Variants in SLIT3 observed in about 807,000 individuals in gnomAD.
SLIT3 encodes slit guidance ligand 3.
A neutral mutation model predicts 184.0 loss-of-function variants in SLIT3; 68 were observed. The ratio of observed to expected loss-of-function variants is 0.37; its 90% CI spans 0.30 to 0.45. The LOEUF is 0.45. Among genes scored for constraint, SLIT3 ranks in the 20% least tolerant of loss-of-function variants. SLIT3 has a pLI of 1.00. For synonymous variants in SLIT3, 831 were observed against 828.6 expected (o/e 1.00, Z -0.05); for missense variants, 1,707 against 2,026.0 (o/e 0.84, Z 3.02).
intron 4 of SLIT3, among the ~76,000 whole-genome samples, chr5:168,952,548 AG>A (rs1762689114): frequency 1.5e-5 from 2 of 135,044 alleles, no homozygotes; most frequent in African/African-American, 6.4e-5. Flanking sequence ...AAAAAAAAAA[AG>A]AGGGGAGAAG....
chr5:169,058,362 G>A (rs1443512351), intron 4 of SLIT3, among the ~76,000 whole-genome samples: 1 of 152,196 alleles, frequency 6.6e-6, no homozygotes, highest in East Asian at 1.9e-4. Context: ...GGGAAGCCAG[G>A]AAGGTGAGTA....
At chr5:169,186,052 C>T (rs1561723027) in intron 4 of SLIT3, among the ~76,000 whole-genome samples, 1 of 152,152 alleles carries the variant, frequency 6.6e-6, no homozygotes, top group Non-Finnish European at 1.5e-5. Context: ...TTGCAGAGGA[C>T]CTGCCCCTAG....
At chr5:168,805,111 T>A (rs1307284566) in intron 9 of SLIT3, among the ~76,000 whole-genome samples, 1 of 152,250 alleles carries the variant, frequency 6.6e-6, no homozygotes, top group Admixed American at 6.5e-5. Context: ...TGCTTGTTTA[T>A]CCCCTCCATC....
intron 35 of SLIT3, chr5:168,667,905 C>T (rs550364740): frequency 2.6e-5 from 4 of 152,212 alleles, no homozygotes; most frequent in Non-Finnish European, 5.9e-5. Context: ...GATGGGGCAA[C>T]ATGCTAATGA....
chr5:169,211,246 A>G (rs60278787), intron 3 of SLIT3, among the ~76,000 whole-genome samples: 38,673 of 151,964 alleles, frequency 0.25, 5,844 homozygotes, highest in East Asian at 0.64. Context: ...CTGGCTAGAA[A>G]GGAAAACTGA....
chr5:168,975,859 C>T (rs767431030), intron 4 of SLIT3, among the ~76,000 whole-genome samples: 9 of 152,274 alleles, frequency 5.9e-5, no homozygotes, highest in South Asian at 2.1e-4. Flanking sequence ...TCCAGAGCTA[C>T]GGGTGGGCGT....
intron 4 of SLIT3, among the ~76,000 whole-genome samples, chr5:169,072,403 G>T (rs561539653): frequency 2.6e-5 from 4 of 152,310 alleles, no homozygotes; most frequent in African/African-American, 9.6e-5. Context: ...CTTCCCCAAT[G>T]GGTGGAGAGG....
intron 19 of SLIT3, 102 bp from the exon 20 acceptor site, chr5:168,748,536 C>T (rs144761234): frequency 8.6e-7 from 1 of 1,161,316 alleles, no homozygotes; most frequent in African/African-American, 1.6e-5. Context: ...AAGTTGTCCC[C>T]TGTCCCCGCT....
In SLIT3 at chr5:169,235,162, T is replaced by G. The variant is rs374039686; in HGVS notation, c.341+9543A>C. Among the ~76,000 whole-genome samples the G allele has an allele frequency of 7.9e-5, 12 of 152,218 alleles. No homozygotes were observed. The East Asian group carries it at 1.7e-3, about 22-fold the overall frequency. On this transcript the variant is annotated intron_variant, in intron 3 of 35. Coordinates refer to ENST00000519560, the MANE Select transcript of SLIT3 (RefSeq NM_003062.4). ...CTCAGAGATTCCTATTATAAGTTTG[T>G]TAGAACCTCTTTGCCTAACTCTCAC...
At chr5:169,211,032 A>G (rs1450969646) in intron 3 of SLIT3, among the ~76,000 whole-genome samples, 1 of 152,172 alleles carries the variant, frequency 6.6e-6, no homozygotes, top group Non-Finnish European at 1.5e-5. Context: ...TTCATTTGCC[A>G]TCAAAAAATA....
chr5:168,758,223 T>C (rs1168370758), intron 16 of SLIT3, among the ~76,000 whole-genome samples: 1 of 152,180 alleles, frequency 6.6e-6, no homozygotes, highest in Non-Finnish European at 1.5e-5. Context: ...TTATCATGTG[T>C]TTGTGCTGTT....
chr5:169,079,861 G>T (rs77690090), intron 4 of SLIT3, among the ~76,000 whole-genome samples: 12 of 129,450 alleles, frequency 9.3e-5, no homozygotes, highest in Middle Eastern at 4.1e-3. Context: ...GAGGGAGGGA[G>T]GAGGAAAGGT....
At chr5:169,125,766 G>GTTTGAAGGCTTTTCCTCTT (rs1761055860) in intron 4 of SLIT3, among the ~76,000 whole-genome samples, 1 of 152,130 alleles carries the variant, frequency 6.6e-6, no homozygotes, top group Non-Finnish European at 1.5e-5. Context: ...TTTGTGCCTG[G>GTTTGAAGGCTTTTCCTCTT]GCATTATCTA....
At chr5:168,749,284 A>C (rs1754612713) in intron 19 of SLIT3, among the ~76,000 whole-genome samples, 188 bp downstream of exon 19, 1 of 152,216 alleles carries the variant, frequency 6.6e-6, no homozygotes, top group Non-Finnish European at 1.5e-5. Flanking sequence ...TGAAATGGGC[A>C]CCTTTTCTTA....
At chr5:168,842,555 G>A (rs1875971) in intron 6 of SLIT3, among the ~76,000 whole-genome samples, 74,538 of 147,884 alleles carry the variant, frequency 0.5, 19,913 homozygotes, top group African/African-American at 0.68. Flanking sequence ...GAGGGTGTAT[G>A]GGGGCAAAGT....
intron 4 of SLIT3, among the ~76,000 whole-genome samples, chr5:168,951,266 G>A (rs1320371667): frequency 6.6e-6 from 1 of 152,156 alleles, no homozygotes; most frequent in African/African-American, 2.4e-5. Context: ...ATTTCAGTGA[G>A]TTATAGTGCA....
At chr5:168,796,330 G>A (rs1056515563) in intron 9 of SLIT3, among the ~76,000 whole-genome samples, 2 of 152,226 alleles carry the variant, frequency 1.3e-5, no homozygotes, top group African/African-American at 4.8e-5. Flanking sequence ...GGGCCGTGGG[G>A]AATGAGTGAG....
chr5:169,129,693 G>A (rs1415868818), intron 4 of SLIT3, among the ~76,000 whole-genome samples: 1 of 152,146 alleles, frequency 6.6e-6, no homozygotes, highest in Non-Finnish European at 1.5e-5. Context: ...CATAACAACT[G>A]AATGCAACAT....
intron 35 of SLIT3, 52 bp from the exon 36 acceptor site, chr5:168,666,741 C>G (rs1761063804): frequency 1.2e-5 from 19 of 1,612,496 alleles, no homozygotes; most frequent in Non-Finnish European, 1.6e-5. Context: ...GCCAGCAGGA[C>G]CATGAGCAGT....
Sources: allele counts gnomAD v4.1 joint callset (sites outside exome capture counted in the v4.1 genomes callset), GRCh38; gene constraint gnomAD v4.1.1; transcripts MANE v1.5; gene names NCBI Gene and HGNC (gene_info 2026-07-23, HGNC 2026-07-21).